PON2: variants seen among roughly 807,000 people sequenced by gnomAD.
PON2 encodes paraoxonase 2.
A neutral mutation model predicts 36.6 loss-of-function variants in PON2; 27 were observed. The observed-to-expected ratio is 0.74, with a 90% confidence interval of 0.54 to 1.02. The LOEUF is 1.02. Among genes scored for constraint, PON2 ranks in the 50% least tolerant of loss-of-function variants. The pLI, the probability that PON2 is intolerant of heterozygous loss-of-function variation, is 0.00. For synonymous variants in PON2, 149 were observed against 156.3 expected (o/e 0.95, Z 0.35); for missense variants, 363 against 421.1 (o/e 0.86, Z 1.21).
chr7:95,414,215 CCA>C (rs1384730628), intron 3 of PON2, among the ~76,000 whole-genome samples: 8 of 151,872 alleles, frequency 5.3e-5, no homozygotes, highest in African/African-American at 1.7e-4. Flanking sequence ...GACCCTCAAC[CCA>C]TAACTGTAAA....
chr7:95,420,237 C>G (rs1329392880), intron 2 of PON2, among the ~76,000 whole-genome samples: 2 of 151,990 alleles, frequency 1.3e-5, no homozygotes, highest in South Asian at 4.2e-4. Context: ...TCCCCTCAAT[C>G]TCCCAAGCAG....
At chr7:95,432,084 G>A (rs542376769) in intron 1 of PON2, among the ~76,000 whole-genome samples, 3 of 152,242 alleles carry the variant, frequency 2.0e-5, no homozygotes, top group Admixed American at 6.5e-5. Flanking sequence ...CCATTAAAGT[G>A]CATCACAGTC....
At chr7:95,413,036 T>C (rs374192272) in intron 3 of PON2, 35 of 149,052 alleles carry the variant, frequency 2.3e-4, no homozygotes, top group Middle Eastern at 7.9e-3. Flanking sequence ...TCCAGCACTT[T>C]GGGAGGCTGA....
At chr7:95,430,115 ATAAAAG>A (rs751878252) in intron 1 of PON2, among the ~76,000 whole-genome samples, 1 of 152,220 alleles carries the variant, frequency 6.6e-6, no homozygotes, top group Non-Finnish European at 1.5e-5. Flanking sequence ...GGATGAAGGC[ATAAAAG>A]TAAAAGAGCT....
intron 2 of PON2, among the ~76,000 whole-genome samples, chr7:95,420,543 T>C (rs917919651): frequency 6.6e-6 from 1 of 152,222 alleles, no homozygotes; most frequent in African/African-American, 2.4e-5. Context: ...CTGTATGATA[T>C]GTAGTCAATA....
At chr7:95,420,097 T>C (rs1789158481) in intron 2 of PON2, among the ~76,000 whole-genome samples, 1 of 151,916 alleles carries the variant, frequency 6.6e-6, no homozygotes, top group African/African-American at 2.4e-5. Flanking sequence ...CCTCAGGTAC[T>C]TATCTGCTAG....
At position 95,411,909 on chromosome 7, in the gene PON2, T is replaced by G. The variant is rs1788937252; in HGVS notation, c.368-130A>C. 3.2e-6 allele frequency: 3 copies of G among 938,666 alleles called. No individual in the cohort carries two copies. The Admixed American group carries it at 6.1e-5, about 19-fold the overall frequency. 58.1% of individuals were successfully genotyped at this position (938,666 alleles called of 1,614,324 possible). On this transcript the variant is annotated intron_variant, in intron 4 of 8. Coordinates refer to ENST00000222572, the MANE Select transcript of PON2 (RefSeq NM_000305.3). ...AGCTGTTAGACGACCTAACAGATCA[T>G]TCTCTGTCTTTCCTATTGCTGTCCG... is the stretch of plus-strand genomic sequence containing the variant.
At chr7:95,413,728 A>G (rs1475105359) in intron 3 of PON2, among the ~76,000 whole-genome samples, 1 of 152,228 alleles carries the variant, frequency 6.6e-6, no homozygotes, top group African/African-American at 2.4e-5. Context: ...CGATGCAGTC[A>G]TATTTACACA....
intron 1 of PON2, 112 bp downstream of exon 1, chr7:95,434,766 C>T: frequency 8.1e-7 from 1 of 1,233,498 alleles, no homozygotes; most frequent in East Asian, 3.0e-5. Flanking sequence ...CACCCCCGGC[C>T]GCAGGGCCAG....
chr7:95,406,621 C>A (rs1287316616), intron 7 of PON2, among the ~76,000 whole-genome samples: 1 of 152,114 alleles, frequency 6.6e-6, no homozygotes, highest in Non-Finnish European at 1.5e-5. Flanking sequence ...GGTGTGGAAC[C>A]CAATTTCTAC....
chr7:95,426,522 C>A (rs1211681664), intron 1 of PON2, among the ~76,000 whole-genome samples: 1 of 152,168 alleles, frequency 6.6e-6, no homozygotes, highest in Non-Finnish European at 1.5e-5. Context: ...CGCAACTTAG[C>A]CAGAAGTGCT....
At chr7:95,408,833 A>G (rs2116455311) in intron 6 of PON2, among the ~76,000 whole-genome samples, 1 of 152,214 alleles carries the variant, frequency 6.6e-6, no homozygotes, top group Non-Finnish European at 1.5e-5. Context: ...ATTCTGGAGG[A>G]CAATTTGGCA....
intron 4 of PON2, 128 bp downstream of exon 4, chr7:95,412,184 G>T: frequency 3.1e-6 from 4 of 1,272,616 alleles, no homozygotes; most frequent in Non-Finnish European, 4.4e-6. Context: ...TCTTTGTAAT[G>T]AAGAATACAG....
chr7:95,405,354 G>A lies in PON2; in HGVS notation c.1041C>T (p.His347=). The change falls in exon 9 of 9, where the codon CAC becomes CAT. Residue 347 remains histidine, a synonymous_variant. Coordinates refer to ENST00000222572, the MANE Select transcript of PON2 (RefSeq NM_000305.3). Reference sequence around the variant, plus strand: ...TTTAGAGTTCACAATACAAGGCTCTGTGGTATAAAGTGCCTATGAGCAGCT... The same window carrying A: ...TTTAGAGTTCACAATACAAGGCTCTATGGTATAAAGTGCCTATGAGCAGCT... ...DGKLLIGTLY[H]RALYCEL 1.2e-6 allele frequency: 2 copies of A among 1,613,890 alleles called. No individual in the cohort carries two copies. Among genetic ancestry groups the A allele is most frequent in the Non-Finnish European group, 1.7e-6 (2 of 1,179,820 alleles).
At chr7:95,418,354 T>G (rs1789120012) in intron 2 of PON2, 1 of 152,242 alleles carries the variant, frequency 6.6e-6, no homozygotes, top group South Asian at 2.1e-4. Context: ...GTTAAGCAAT[T>G]GCTCAAGGTC....
intron 3 of PON2, among the ~76,000 whole-genome samples, chr7:95,413,713 T>C (rs1201264129): frequency 6.6e-6 from 1 of 152,246 alleles, no homozygotes; most frequent in Non-Finnish European, 1.5e-5. Context: ...TTCAGTTTAC[T>C]AATACGATGC....
chr7:95,430,902 A>C (rs894565919), intron 1 of PON2, among the ~76,000 whole-genome samples: 1 of 151,006 alleles, frequency 6.6e-6, no homozygotes, highest in Admixed American at 6.6e-5. Flanking sequence ...GGTGGTTTAA[A>C]AAAAAAAAAA....
At chr7:95,409,407 A>AT (rs2116456991) in intron 6 of PON2, 1 of 152,052 alleles carries the variant, frequency 6.6e-6, no homozygotes, top group South Asian at 2.1e-4. Flanking sequence ...AGTATAAAAT[A>AT]TTTTTTATGT....
At position 95,434,942 on chromosome 7, in the gene PON2, G is replaced by C; in HGVS notation, c.10C>G (p.Leu4Val). The change falls in exon 1 of 9, where the codon CTG becomes GTG. Residue 4 changes from leucine to valine, a missense_variant. Physicochemically the swap from Leu to Val is conservative, Grantham distance 32. Coordinates refer to ENST00000222572, the MANE Select transcript of PON2 (RefSeq NM_000305.3). ...ATCCCCAGCAAGCCCACAGCCACCAGCCGCCCCATGGCGCGGGAGCCGGGC... is the reference window on the plus strand; with the variant it reads ...ATCCCCAGCAAGCCCACAGCCACCACCCGCCCCATGGCGCGGGAGCCGGGC... MGRLVAVGLLGIAL... is the reference protein window; with the variant it reads MGRVVAVGLLGIAL... 1 of 1,530,168 alleles carries C rather than the reference G, an allele frequency of 6.5e-7. No homozygotes were observed. Among genetic ancestry groups the C allele is most frequent in the Non-Finnish European group, 8.8e-7 (1 of 1,142,372 alleles). The allele number at this position is 1,530,168 out of a possible 1,614,324, so 94.8% of individuals were successfully genotyped here.
Sources: gnomAD v4.1 joint callset for allele counts (sites outside exome capture counted in the v4.1 genomes callset) on GRCh38, gnomAD v4.1.1 for gene constraint, MANE v1.5 for transcripts, NCBI Gene and HGNC (gene_info 2026-07-23, HGNC 2026-07-21) for gene names.